Variants in IGSF11 observed in about 807,000 individuals in gnomAD.
IGSF11 encodes the protein CXADR like 1.
A neutral mutation model predicts 41.0 loss-of-function variants in IGSF11; 22 were observed. The observed-to-expected ratio is 0.54, with a 90% CI of 0.38 to 0.77. IGSF11 has a LOEUF of 0.77. IGSF11 is among the 30% of genes least tolerant of loss of function. The pLI is 0.00. For missense variants in IGSF11, 444 were observed against 530.8 expected, an observed-to-expected ratio of 0.84 and a Z score of 1.61; for synonymous variants, 219 against 201.3, an observed-to-expected ratio of 1.09 and a Z score of -0.74.
intron 1 of IGSF11, among the ~76,000 whole-genome samples, chr3:119,029,487 T>C (rs1940192801): frequency 6.6e-6 from 1 of 152,190 alleles, no homozygotes; most frequent in African/African-American, 2.4e-5. Context: ...ATATCAATCC[T>C]TGAAATGGGT....
At chr3:119,073,958 C>T (rs1343079226) in intron 1 of IGSF11, among the ~76,000 whole-genome samples, 1 of 152,234 alleles carries the variant, frequency 6.6e-6, no homozygotes, top group Non-Finnish European at 1.5e-5. Context: ...CACGCTGTCA[C>T]CTCTCAAGGT....
At chr3:118,904,615 G>T in intron 6 of IGSF11, 33 bp downstream of exon 6, 11 of 1,510,762 alleles carry the variant, frequency 7.3e-6, no homozygotes, top group Non-Finnish European at 1.0e-5. Context: ...CAATGGCTAT[G>T]CAGGACAAAT....
intron 1 of IGSF11, among the ~76,000 whole-genome samples, chr3:118,995,207 G>C (rs1443244727): frequency 3.3e-5 from 5 of 152,198 alleles, no homozygotes; most frequent in African/African-American, 4.8e-5. Flanking sequence ...CGATTCACTA[G>C]AACAAGGGTT....
intron 1 of IGSF11, among the ~76,000 whole-genome samples, chr3:119,141,827 G>A (rs2077651568): frequency 6.6e-6 from 1 of 152,014 alleles, no homozygotes; most frequent in East Asian, 1.9e-4. Context: ...CTCTCAGGAC[G>A]GAAAAGTGGC....
Position 119,145,143 on chromosome 3 carries a change from C to T in IGSF11, c.-14+670G>A, listed in dbSNP as rs561232031. Reference sequence around the variant, plus strand: ...TCCTAAGTATGGTGTCAAGTGTATCCACTCTCCTTTGTCACAAGTATTTGA... The same window carrying T: ...TCCTAAGTATGGTGTCAAGTGTATCTACTCTCCTTTGTCACAAGTATTTGA... On this transcript the variant is annotated intron_variant, in intron 1 of 7. Transcript: ENST00000425327. Among the ~76,000 whole-genome samples, 5 of 152,268 alleles carry T rather than the reference C, an allele frequency of 3.3e-5. No homozygotes were observed. In the East Asian group the frequency reaches 9.6e-4, roughly 29 times the overall value.
chr3:119,042,825 G>A (rs1243154224), intron 1 of IGSF11, among the ~76,000 whole-genome samples: 1 of 152,146 alleles, frequency 6.6e-6, no homozygotes, highest in African/African-American at 2.4e-5. Context: ...GTGCTCTCTT[G>A]AAAACACCAC....
At chr3:119,136,531 A>G (rs2077564898) in intron 1 of IGSF11, among the ~76,000 whole-genome samples, 1 of 152,274 alleles carries the variant, frequency 6.6e-6, no homozygotes, top group African/African-American at 2.4e-5. Flanking sequence ...AGCTATATTT[A>G]TATCAGACAA....
At chr3:119,063,369 G>C (rs1289255607) in intron 1 of IGSF11, among the ~76,000 whole-genome samples, 1 of 152,160 alleles carries the variant, frequency 6.6e-6, no homozygotes, top group Non-Finnish European at 1.5e-5. Flanking sequence ...TGAAAAAATT[G>C]AGATATTTTG....
chr3:118,902,771 A>G lies in IGSF11; in HGVS notation c.1045T>C (p.Ser349Pro), dbSNP rs1359771185. 6.2e-7 allele frequency: 1 copy of G among 1,614,136 alleles called. No individual in the cohort carries two copies. The highest frequency in any genetic ancestry group is 8.5e-7 in the Non-Finnish European group (1 of 1,180,002). ...ATGGATGGTATGTTGGCATTGCCTGAGTGGAAAGAGAAAGATTGGCCCAAG... is the reference window on the plus strand; with the variant it reads ...ATGGATGGTATGTTGGCATTGCCTGGGTGGAAAGAGAAAGATTGGCCCAAG... ...SDLGQSFSFH[S>P]GNANIPSIYA... The change falls in exon 7 of 7, where the codon TCA becomes CCA. Residue 349 changes from serine (S) to proline (P), a missense_variant. Ser to Pro is a moderately conservative substitution (Grantham distance 74). Around this residue, in one of 3 missense-constraint regions of IGSF11, gnomAD observed 223 missense variants for 226.2 expected, o/e 0.99. Coordinates refer to ENST00000393775, the MANE Select transcript of IGSF11 (RefSeq NM_001015887.3).
chr3:118,938,425 C>A (rs1441588240), intron 1 of IGSF11, among the ~76,000 whole-genome samples: 2 of 152,184 alleles, frequency 1.3e-5, no homozygotes, highest in African/African-American at 2.4e-5. Flanking sequence ...ACCCACTTTA[C>A]TCCATCATGT....
At chr3:119,109,241 C>G (rs1468454218), upstream of IGSF11, among the ~76,000 whole-genome samples, 2 of 148,772 alleles carry the variant, frequency 1.3e-5, no homozygotes, top group African/African-American at 5.0e-5. Context: ...GGTTGGTAAG[C>G]TATTGATTAT....
chr3:119,111,434 A>G (rs2077157371), intron 1 of IGSF11, among the ~76,000 whole-genome samples: 1 of 152,120 alleles, frequency 6.6e-6, no homozygotes, highest in South Asian at 2.1e-4. Flanking sequence ...CTCGGCTTTC[A>G]GCTCCATCAG....
At chr3:119,038,858 C>T (rs1941008679), upstream of IGSF11, among the ~76,000 whole-genome samples, 1 of 152,138 alleles carries the variant, frequency 6.6e-6, no homozygotes, top group Admixed American at 6.5e-5. Flanking sequence ...AAGTGCAGTT[C>T]AGACTTTCAC....
intron 1 of IGSF11, among the ~76,000 whole-genome samples, chr3:119,052,584 T>C (rs1057013971): frequency 2.0e-5 from 3 of 151,820 alleles, no homozygotes; most frequent in Non-Finnish European, 4.4e-5. Context: ...TTGGTACCAA[T>C]ACTAATGAAA....
chr3:118,910,466 T>A (rs1940134995), intron 4 of IGSF11, among the ~76,000 whole-genome samples: 1 of 152,202 alleles, frequency 6.6e-6, no homozygotes, highest in Non-Finnish European at 1.5e-5. Context: ...TCCACCCCTG[T>A]CACTAGGGAC....
rs532441468 is a variant in IGSF11, at chr3:118,956,986, T to C, written c.53-26711A>G. On this transcript the variant is annotated intron_variant, in intron 1 of 6. Transcript: ENST00000393775. ...GCAGGGGGTGGTTTATTAAGAGGAATTGGCTCACTAGATTGGAGAGGCTGA... is the reference window on the plus strand; with the variant it reads ...GCAGGGGGTGGTTTATTAAGAGGAACTGGCTCACTAGATTGGAGAGGCTGA... 6.6e-5 allele frequency among the ~76,000 whole-genome samples: 10 copies of C among 152,132 alleles called. No homozygotes were observed. In the East Asian group the frequency reaches 9.6e-4, roughly 15 times the overall value.
At chr3:118,904,905 A>C in intron 5 of IGSF11, 107 bp from the exon 6 acceptor site, 1 of 869,872 alleles carries the variant, frequency 1.1e-6, no homozygotes, top group Non-Finnish European at 1.7e-6. Context: ...TCTGCTTAAA[A>C]CGTATAAAAC....
chr3:119,082,929 A>G (rs1026023200), intron 1 of IGSF11, among the ~76,000 whole-genome samples: 1 of 152,190 alleles, frequency 6.6e-6, no homozygotes, highest in Non-Finnish European at 1.5e-5. Flanking sequence ...GTATAAAAAG[A>G]AAAATATCAG....
chr3:119,115,757 C>G (rs2077247348), intron 1 of IGSF11, among the ~76,000 whole-genome samples: 1 of 152,016 alleles, frequency 6.6e-6, no homozygotes. Context: ...TTAATATAAT[C>G]CCATATGTCC....
Sources: gnomAD v4.1 joint callset for allele counts (sites outside exome capture counted in the v4.1 genomes callset) on GRCh38, gnomAD v4.1.1 for gene constraint, gnomAD v4.1.1 regional missense constraint, MANE v1.5 for transcripts, NCBI Gene and HGNC (gene_info 2026-07-23, HGNC 2026-07-21) for gene names.